The following KCNQ1 variants were observed in gnomAD, a reference collection of about 807,000 sequenced individuals.
KCNQ1 encodes the protein potassium voltage-gated channel subfamily KQT member 1.
Under a neutral mutation model 72.4 loss-of-function variants are expected in KCNQ1, and 49 were observed. The observed-to-expected ratio is 0.68, with a 90% CI of 0.54 to 0.86. The LOEUF is 0.86. KCNQ1 is among the 40% of genes least tolerant of loss of function. KCNQ1 has a pLI of 0.00. For missense variants in KCNQ1, 790 were observed against 945.1 expected, an observed-to-expected ratio of 0.84 and a Z score of 2.15; for synonymous variants, 450 against 412.6, an observed-to-expected ratio of 1.09 and a Z score of -1.10.
At chr11:2,571,861 G>T (rs1428962484) in intron 4 of KCNQ1, 152 bp from the exon 5 acceptor site, 2 of 668,304 alleles carry the variant, frequency 3.0e-6, no homozygotes, top group South Asian at 1.7e-5. Context: ...CCAGGCCCCT[G>T]TCGGGATGGA....
intron 10 of KCNQ1, among the ~76,000 whole-genome samples, chr11:2,605,607 T>C (rs1170792788): frequency 6.6e-6 from 1 of 152,240 alleles, no homozygotes; most frequent in Non-Finnish European, 1.5e-5. Flanking sequence ...GATATATGGC[T>C]CCGTTTTTAC....
Position 2,803,409 on chromosome 11 carries a change from C to T in KCNQ1, c.1794+25372C>T, listed in dbSNP as rs371766863. On this transcript the variant is annotated intron_variant, in intron 15 of 15. Transcript: ENST00000155840. This position sits in a 1 kb window ranked among gnomAD's most constrained non-coding sequence, Gnocchi z 6.4. ...CCATGGTGTGTGTAGAATGATATTC[C>T]CTCCAGACCACGGTGCCTTCTGGGC... is the stretch of plus-strand genomic sequence containing the variant. Among the ~76,000 whole-genome samples, 30 of 152,300 alleles carry T rather than the reference C, an allele frequency of 2.0e-4. No individual in the cohort carries two copies. The highest frequency in any genetic ancestry group is 3.4e-4 in the Non-Finnish European group (23 of 68,018).
In KCNQ1 at chr11:2,678,921, C is replaced by A; in HGVS notation, c.1514+16840C>A. 2.5e-6 allele frequency: 1 copy of A among 398,548 alleles called. No individual in the cohort carries two copies. Among genetic ancestry groups the A allele is most frequent in the East Asian group, 3.6e-5 (1 of 28,078 alleles). 24.7% of individuals were successfully genotyped at this position (398,548 alleles called of 1,614,324 possible). A position where few individuals can be genotyped will look rare whatever the true frequency, so the allele number is the denominator to read the frequency against. ...TACATGTATGATCATACTTTCAGGG[C>A]ATCTTGGAAAAACTGAATTTGCTAA... On this transcript the variant is annotated intron_variant, in intron 11 of 15. Coordinates refer to ENST00000155840, the MANE Select transcript of KCNQ1 (RefSeq NM_000218.3). The surrounding 1 kb of genome is among the most constrained non-coding windows in gnomAD (Gnocchi z 4.9).
At chr11:2,485,849 T>C (rs1246890827) in intron 1 of KCNQ1, among the ~76,000 whole-genome samples, 2 of 152,272 alleles carry the variant, frequency 1.3e-5, no homozygotes, top group Non-Finnish European at 2.9e-5. Context: ...AGTTCACTCA[T>C]GCTGTAGCAT....
At chr11:2,770,933 G>T (rs1477817450) in intron 12 of KCNQ1, among the ~76,000 whole-genome samples, 1 of 152,252 alleles carries the variant, frequency 6.6e-6, no homozygotes, top group Non-Finnish European at 1.5e-5. Context: ...AGTCCCCCGA[G>T]GGCAGAGGAG....
chr11:2,451,342 G>A lies in KCNQ1; in HGVS notation c.386+5858G>A, dbSNP rs989703832. On this transcript the variant is annotated intron_variant, in intron 1 of 15. Coordinates refer to ENST00000155840, the MANE Select transcript of KCNQ1 (RefSeq NM_000218.3). This position sits in a 1 kb window ranked among gnomAD's most constrained non-coding sequence, Gnocchi z 6.4. ...GCTCCTGTGAGAATCTAATGCCACC[G>A]CTGATCCAACAGGAGGTAGAGCTCA... is the stretch of plus-strand genomic sequence containing the variant. Among the ~76,000 whole-genome samples the A allele has an allele frequency of 5.3e-5, 8 of 152,186 alleles. No homozygotes were observed. The highest frequency in any genetic ancestry group is 1.4e-4 in the African/African-American group (6 of 41,446).
intron 2 of KCNQ1, among the ~76,000 whole-genome samples, chr11:2,570,087 G>A (rs1564819805): frequency 1.3e-5 from 2 of 151,144 alleles, no homozygotes; most frequent in Non-Finnish European, 2.9e-5. Context: ...ATCACGGAGG[G>A]CACCCGGGGT....
At chr11:2,580,742 C>T (rs993063770) in intron 6 of KCNQ1, among the ~76,000 whole-genome samples, 1 of 152,240 alleles carries the variant, frequency 6.6e-6, no homozygotes, top group African/African-American at 2.4e-5. Context: ...CTGACCCCCA[C>T]CTTGGGCGCT....
chr11:2,706,861 G>A (rs770219996), intron 11 of KCNQ1, among the ~76,000 whole-genome samples: 20 of 152,224 alleles, frequency 1.3e-4, no homozygotes, highest in African/African-American at 3.9e-4. Context: ...AAAGGAGAGC[G>A]GTTTTGACTC....
intron 11 of KCNQ1, chr11:2,697,415 C>T (rs947718843): frequency 7.0e-5 from 28 of 398,598 alleles, no homozygotes; most frequent in African/African-American, 5.3e-4. Flanking sequence ...GCCAGGATGA[C>T]ATCCTTGGCC....
At chr11:2,760,464 G>C (rs1846374422) in intron 11 of KCNQ1, among the ~76,000 whole-genome samples, 1 of 152,198 alleles carries the variant, frequency 6.6e-6, no homozygotes, top group African/African-American at 2.4e-5. Flanking sequence ...GATGAATGAA[G>C]CGGGTCTTTT....
intron 15 of KCNQ1, among the ~76,000 whole-genome samples, chr11:2,842,210 G>C (rs1274855033): frequency 6.6e-6 from 1 of 151,980 alleles, no homozygotes; most frequent in Non-Finnish European, 1.5e-5. Context: ...CTGAGCACAG[G>C]GGCTGCCACG....
rs199630316 is a variant in KCNQ1, at chr11:2,585,226, G to A, written c.1047G>A (p.Ser349=). The change falls in exon 8 of 16, where the codon TCG becomes TCA. Residue 349 remains serine, a synonymous_variant. Transcript: ENST00000155840. ...TTCCTTCCCAGGGGATTCTTGGCTC[G>A]GGGTTTGCCCTGAAGGTGCAGCAGA... ...FFALPAGILG[S]GFALKVQQKQ... 1.9e-5 allele frequency: 31 copies of A among 1,614,032 alleles called. No individual in the cohort carries two copies. The highest frequency in any genetic ancestry group is 4.4e-5 in the South Asian group (4 of 91,072).
At chr11:2,454,716 T>C (rs1846161913) in intron 1 of KCNQ1, among the ~76,000 whole-genome samples, 1 of 152,146 alleles carries the variant, frequency 6.6e-6, no homozygotes, top group African/African-American at 2.4e-5. Context: ...TTGATAAAAT[T>C]CATCATCCCT....
At chr11:2,453,151 A>G (rs1447637174) in intron 1 of KCNQ1, among the ~76,000 whole-genome samples, 3 of 152,228 alleles carry the variant, frequency 2.0e-5, no homozygotes, top group Admixed American at 2.0e-4. Flanking sequence ...AGGCGGGCGG[A>G]TCACCTTAGG....
At chr11:2,685,830 C>A (rs1381563274) in intron 11 of KCNQ1, 1 of 398,762 alleles carries the variant, frequency 2.5e-6, no homozygotes, top group Non-Finnish European at 4.4e-6. Context: ...TAGAACGAGG[C>A]TGTTTCCCAG....
At chr11:2,760,965 C>T (rs1846383583) in intron 11 of KCNQ1, among the ~76,000 whole-genome samples, 1 of 152,212 alleles carries the variant, frequency 6.6e-6, no homozygotes, top group South Asian at 2.1e-4. Context: ...TTTAGCCGTC[C>T]ATAGACAGCT....
intron 15 of KCNQ1, among the ~76,000 whole-genome samples, chr11:2,844,179 G>A (rs1848271281): frequency 6.6e-6 from 1 of 152,216 alleles, no homozygotes; most frequent in Non-Finnish European, 1.5e-5. Context: ...ACTCTTCAGG[G>A]ACACGTGCTG....
At position 2,626,956 on chromosome 11, in the gene KCNQ1, A is replaced by G; in HGVS notation, c.1394-35005A>G. ...TAGGATGGGGTTTCTTCTTTCTGCAAATAACATCATTAGGATTTTTATTGG... is the reference window on the plus strand; with the variant it reads ...TAGGATGGGGTTTCTTCTTTCTGCAGATAACATCATTAGGATTTTTATTGG... On this transcript the variant is annotated intron_variant, in intron 10 of 15. Coordinates refer to ENST00000155840, the MANE Select transcript of KCNQ1 (RefSeq NM_000218.3). The surrounding 1 kb of genome is among the most constrained non-coding windows in gnomAD (Gnocchi z 4.0). The G allele has an allele frequency of 2.5e-6, 1 of 398,624 alleles. No individual in the cohort carries two copies. Among genetic ancestry groups the G allele is most frequent in the Admixed American group, 4.4e-5 (1 of 22,734 alleles). 24.7% of individuals were successfully genotyped at this position (398,624 alleles called of 1,614,324 possible).
Sources: allele counts gnomAD v4.1 joint callset (sites outside exome capture counted in the v4.1 genomes callset), GRCh38; gene constraint gnomAD v4.1.1; non-coding constraint Gnocchi (gnomAD v3.1); transcripts MANE v1.5; gene names NCBI Gene and HGNC (gene_info 2026-07-23, HGNC 2026-07-21).